Variants in COL5A1 observed in about 807,000 individuals in gnomAD.
The protein encoded by COL5A1 is collagen type V alpha 1 chain.
A neutral mutation model predicts 263.7 loss-of-function variants in COL5A1; 16 were observed. That is an observed-to-expected ratio of 0.06 (90% CI 0.04 to 0.09). The LOEUF (loss-of-function observed/expected upper bound fraction) is 0.09, where lower values mean the gene tolerates loss of function less well. COL5A1 is among the 10% of genes least tolerant of loss of function. The pLI is 1.00. For synonymous variants in COL5A1, 1,012 were observed against 1,004.5 expected, an observed-to-expected ratio of 1.01 and a Z score of -0.14; for missense variants, 2,036 against 2,540.5, an observed-to-expected ratio of 0.80 and a Z score of 4.27.
At chr9:134,645,041 G>A (rs1160622553) in intron 1 of COL5A1, among the ~76,000 whole-genome samples, 2 of 152,152 alleles carry the variant, frequency 1.3e-5, no homozygotes, top group Non-Finnish European at 2.9e-5. Flanking sequence ...AATTCCCCAA[G>A]CCCTCTCCCT....
rs747387816 is a variant in COL5A1, at chr9:134,796,426, G to A, written c.2844+8G>A. 6.2e-7 allele frequency: 1 copy of A among 1,614,088 alleles called. No homozygotes were observed. Among genetic ancestry groups the A allele is most frequent in the East Asian group, 2.2e-5 (1 of 44,878 alleles). On this transcript the variant is annotated splice_region_variant and intron_variant, in intron 35 of 65. Transcript: ENST00000371817. ...GGCCCTCCTGGTGAACGGGTAAGCAGCTGGAGCCTTCGGGGGTGTCTCCAA... is the reference window on the plus strand; with the variant it reads ...GGCCCTCCTGGTGAACGGGTAAGCAACTGGAGCCTTCGGGGGTGTCTCCAA...
rs541758505 is a variant in COL5A1, at chr9:134,647,490, C to T, written c.109+5194C>T. Among the ~76,000 whole-genome samples the T allele has an allele frequency of 2.6e-5, 4 of 152,274 alleles. No individual in the cohort carries two copies. Among genetic ancestry groups the T allele is most frequent in the East Asian group, 1.9e-4 (1 of 5,182 alleles). ...GTATACATGTGTGTTTGAGTGTGCA[C>T]GCATGCGCATCCTTGCACATGTACC... On this transcript the variant is annotated intron_variant, in intron 1 of 65. Coordinates refer to ENST00000371817, the MANE Select transcript of COL5A1 (RefSeq NM_000093.5). The surrounding 1 kb of genome is among the most constrained non-coding windows in gnomAD (Gnocchi z 5.0).
chr9:134,792,065 A>G (rs1432591735), intron 32 of COL5A1, among the ~76,000 whole-genome samples: 3 of 152,188 alleles, frequency 2.0e-5, no homozygotes, highest in East Asian at 3.9e-4. Context: ...TAGGTGAGGT[A>G]TGGAAAGCAG....
intron 11 of COL5A1, among the ~76,000 whole-genome samples, chr9:134,749,090 A>T (rs1267716484): frequency 6.6e-6 from 1 of 152,208 alleles, no homozygotes. Context: ...TACAAAAGTT[A>T]GCCCACGCTG....
chr9:134,682,317 C>T lies in COL5A1; in HGVS notation c.110-8595C>T, dbSNP rs1832886587. Among the ~76,000 whole-genome samples the T allele has an allele frequency of 6.6e-6, 1 of 152,180 alleles. No individual in the cohort carries two copies. Among genetic ancestry groups the T allele is most frequent in the African/African-American group, 2.4e-5 (1 of 41,444 alleles). ...TGGAGGCCGGGTCCTGAGCGGAGCACTCTGTACCTGTGTCACCCAAGAGCT... is the reference window on the plus strand; with the variant it reads ...TGGAGGCCGGGTCCTGAGCGGAGCATTCTGTACCTGTGTCACCCAAGAGCT... On this transcript the variant is annotated intron_variant, in intron 1 of 65. Transcript: ENST00000371817. This position sits in a 1 kb window ranked among gnomAD's most constrained non-coding sequence, Gnocchi z 5.1.
In COL5A1 at chr9:134,701,239, C is replaced by T. The variant is rs1370322398; in HGVS notation, c.560C>T (p.Thr187Ile). ...VTLILDCKKK[T>I]TKFLDRSDHP... Reference sequence around the variant, plus strand: ...TTGATCCTCGACTGTAAAAAGAAGACCACCAAATTCCTCGACCGCAGCGAC... The same window carrying T: ...TTGATCCTCGACTGTAAAAAGAAGATCACCAAATTCCTCGACCGCAGCGAC... Residue 187 changes from threonine to isoleucine, a missense_variant, in exon 4 of 66, where the codon ACC becomes ATC. By Grantham distance (89) the Thr-to-Ile change is moderately conservative. Transcript: ENST00000371817. The T allele has an allele frequency of 1.2e-6, 2 of 1,614,006 alleles. No individual in the cohort carries two copies. The highest frequency in any genetic ancestry group is 1.3e-5 in the African/African-American group (1 of 75,036).
At position 134,842,263 on chromosome 9, in the gene COL5A1, A is replaced by C; in HGVS notation, c.5477A>C (p.Lys1826Thr). The C allele has an allele frequency of 1.2e-6, 2 of 1,614,160 alleles. No homozygotes were observed. Among genetic ancestry groups the C allele is most frequent in the Non-Finnish European group, 1.7e-6 (2 of 1,180,024 alleles). ...AATGACTTCGGTGAAGCGTCACAGAAATTTGGATTTGAAGTGGGGCCGGCT... is the reference window on the plus strand; with the variant it reads ...AATGACTTCGGTGAAGCGTCACAGACATTTGGATTTGAAGTGGGGCCGGCT... ...MFNDFGEASQ[K>T]FGFEVGPACF... Residue 1826 changes from lysine (K) to threonine (T), a missense_variant, in exon 66 of 66, where the codon AAA becomes ACA. Lys to Thr is a moderately conservative substitution (Grantham distance 78). This residue lies in a region of COL5A1 where 358 missense variants were observed against 384.6 expected (regional missense o/e 0.93). Transcript: ENST00000371817. The surrounding 1 kb of genome is among the most constrained non-coding windows in gnomAD (Gnocchi z 5.8).
chr9:134,753,899 C>G lies in COL5A1; in HGVS notation c.1769C>G (p.Pro590Arg), dbSNP rs764683570. The G allele has an allele frequency of 1.2e-6, 2 of 1,613,706 alleles. No homozygotes were observed. Among genetic ancestry groups the G allele is most frequent in the Non-Finnish European group, 1.7e-6 (2 of 1,179,822 alleles). The change falls in exon 15 of 66, where the codon CCT (proline) becomes CGT (arginine). Residue 590 changes from proline to arginine, a missense_variant. Physicochemically the swap from Pro to Arg is moderately radical, Grantham distance 103. Around this residue, in one of 3 missense-constraint regions of COL5A1, gnomAD observed 1,078 missense variants for 1,521.4 expected, o/e 0.71. Coordinates refer to ENST00000371817, the MANE Select transcript of COL5A1 (RefSeq NM_000093.5). ...GLKGEPGDVG[P>R]QGPRGVQGPP... is the part of the protein sequence containing the mutation. ...AAGGGCGAGCCGGGAGACGTGGGGC[C>G]TCAGGTATGTGGGATCCTTGCCTTC...
intron 27 of COL5A1, among the ~76,000 whole-genome samples, chr9:134,777,074 C>T (rs1017558028): frequency 6.6e-6 from 1 of 152,226 alleles, no homozygotes; most frequent in Non-Finnish European, 1.5e-5. Flanking sequence ...ACAGCAGGCT[C>T]GTGTTCCTTT....
At chr9:134,679,971 G>C (rs554803156) in intron 1 of COL5A1, among the ~76,000 whole-genome samples, 1 of 152,088 alleles carries the variant, frequency 6.6e-6, no homozygotes. Context: ...CGGGAGTGGG[G>C]TGGTGCCGGG....
At chr9:134,732,002 G>A in intron 8 of COL5A1, 69 bp from the exon 9 acceptor site, 7 of 1,566,050 alleles carry the variant, frequency 4.5e-6, no homozygotes, top group Non-Finnish European at 6.2e-6. Flanking sequence ...GGCAGATTTT[G>A]TGTAATCTGG....
intron 11 of COL5A1, among the ~76,000 whole-genome samples, chr9:134,748,002 C>T (rs2132675992): frequency 6.6e-6 from 1 of 150,532 alleles, no homozygotes; most frequent in East Asian, 2.0e-4. Flanking sequence ...CACACACATA[C>T]ACATGCATTC....
chr9:134,825,403 T>G (rs1214088732), intron 62 of COL5A1, among the ~76,000 whole-genome samples: 3 of 152,224 alleles, frequency 2.0e-5, no homozygotes, highest in Non-Finnish European at 4.4e-5. Context: ...AGTTTGAATG[T>G]TCCCCCTGCA....
At chr9:134,664,813 G>A (rs1832309143) in intron 1 of COL5A1, among the ~76,000 whole-genome samples, 1 of 152,210 alleles carries the variant, frequency 6.6e-6, no homozygotes, top group African/African-American at 2.4e-5. Flanking sequence ...TATATTTCCA[G>A]CACTTTGGGA....
intron 9 of COL5A1, 108 bp from the exon 10 acceptor site, chr9:134,738,366 G>A: frequency 7.9e-7 from 1 of 1,266,800 alleles, no homozygotes; most frequent in Non-Finnish European, 1.1e-6. Flanking sequence ...AGCAGGAGCT[G>A]AGCCAGGGCC....
In COL5A1 at chr9:134,680,654, C is replaced by T. The variant is rs1832825562; in HGVS notation, c.110-10258C>T. 6.6e-6 allele frequency among the ~76,000 whole-genome samples: 1 copy of T among 152,240 alleles called. No homozygotes were observed. The highest frequency in any genetic ancestry group is 1.5e-5 in the Non-Finnish European group (1 of 68,040). ...TTGGGGAGGGTGGCCATGCTGTGCACTGCACAACCCCAGGGAGCGCTGTTC... is the reference window on the plus strand; with the variant it reads ...TTGGGGAGGGTGGCCATGCTGTGCATTGCACAACCCCAGGGAGCGCTGTTC... On this transcript the variant is annotated intron_variant, in intron 1 of 65. Transcript: ENST00000371817. This position sits in a 1 kb window ranked among gnomAD's most constrained non-coding sequence, Gnocchi z 5.9.
Position 134,765,632 on chromosome 9 carries a change from C to A in COL5A1, c.2035-49C>A, listed in dbSNP as rs764539580. 1.3e-6 allele frequency: 2 copies of A among 1,547,556 alleles called. No individual in the cohort carries two copies. The highest frequency in any genetic ancestry group is 2.2e-5 in the East Asian group (1 of 44,588). On this transcript the variant is annotated intron_variant, in intron 20 of 65. Transcript: ENST00000371817. This position sits in a 1 kb window ranked among gnomAD's most constrained non-coding sequence, Gnocchi z 5.1. ...TGGGCATAGGGGACAGAGAGGAGGG[C>A]TGGGATTTCTGCCCGAGTTTAAATC...
intron 31 of COL5A1, among the ~76,000 whole-genome samples, chr9:134,787,150 C>T (rs1837490762): frequency 6.6e-6 from 1 of 152,236 alleles, no homozygotes; most frequent in Non-Finnish European, 1.5e-5. Flanking sequence ...GGCACTTTTC[C>T]TCTCTTAATA....
intron 11 of COL5A1, among the ~76,000 whole-genome samples, chr9:134,740,676 C>T (rs1425231059): frequency 1.3e-5 from 2 of 152,192 alleles, no homozygotes; most frequent in Non-Finnish European, 2.9e-5. Flanking sequence ...ATGGTGTGAA[C>T]CAGAGGGGTG....
Sources: allele counts gnomAD v4.1 joint callset (sites outside exome capture counted in the v4.1 genomes callset), GRCh38; gene constraint gnomAD v4.1.1; regional missense constraint gnomAD v4.1.1; non-coding constraint Gnocchi (gnomAD v3.1); transcripts MANE v1.5; gene names NCBI Gene and HGNC (gene_info 2026-07-23, HGNC 2026-07-21).